Variants in SLIT2 observed in about 807,000 individuals in gnomAD.
SLIT2 encodes slit homolog 2 protein.
SLIT2 carries 41 observed loss-of-function variants against 185.7 expected under a neutral mutation model. The ratio of observed to expected loss-of-function variants is 0.22; its 90% confidence interval spans 0.17 to 0.29. The LOEUF (loss-of-function observed/expected upper bound fraction) is 0.29, where lower values mean the gene tolerates loss of function less well. Among genes scored for constraint, SLIT2 ranks in the 10% least tolerant of loss-of-function variants. The probability of loss-of-function intolerance (pLI) is 1.00; values close to 1 mark genes in which losing one functional copy is unlikely to be tolerated. For synonymous variants in SLIT2, 693 were observed against 680.2 expected (o/e 1.02, Z -0.29); for missense variants, 1,571 against 1,909.0 (o/e 0.82, Z 3.30).
chr4:20,462,769 A>G (rs141510805), intron 4 of SLIT2, among the ~76,000 whole-genome samples: 61 of 152,296 alleles, frequency 4.0e-4, no homozygotes, highest in African/African-American at 1.4e-3. Flanking sequence ...TATAATTACA[A>G]ACTCCTCCAT....
chr4:20,566,399 T>G (rs1725093552), intron 26 of SLIT2, among the ~76,000 whole-genome samples: 1 of 152,066 alleles, frequency 6.6e-6, no homozygotes, highest in Non-Finnish European at 1.5e-5. Flanking sequence ...GCACAAAGTA[T>G]CATAGGTGGA....
intron 4 of SLIT2, among the ~76,000 whole-genome samples, chr4:20,338,552 G>A (rs1175971185): frequency 2.0e-5 from 3 of 152,120 alleles, no homozygotes; most frequent in Admixed American, 6.5e-5. Context: ...TAAGCAAGGA[G>A]CTATGCAGCA....
At chr4:20,571,894 A>G (rs1725640770) in intron 29 of SLIT2, among the ~76,000 whole-genome samples, 1 of 152,244 alleles carries the variant, frequency 6.6e-6, no homozygotes, top group Non-Finnish European at 1.5e-5. Context: ...TTTGACACCT[A>G]TGTCAAGAGT....
At chr4:20,480,841 G>A (rs1372123494) in intron 6 of SLIT2, 54 bp downstream of exon 6, 1 of 1,257,610 alleles carries the variant, frequency 8.0e-7, no homozygotes, top group Middle Eastern at 1.9e-4. Flanking sequence ...GTCTGGACAG[G>A]ACTAATGTGG....
At chr4:20,380,290 T>C (rs906510788) in intron 4 of SLIT2, among the ~76,000 whole-genome samples, 98 of 152,112 alleles carry the variant, frequency 6.4e-4, no homozygotes, top group African/African-American at 2.3e-3. Flanking sequence ...AAATCCAAAT[T>C]GCTTAGCTAT....
intron 22 of SLIT2, among the ~76,000 whole-genome samples, chr4:20,547,171 A>G (rs947580424): frequency 9.2e-5 from 14 of 152,268 alleles, no homozygotes; most frequent in African/African-American, 3.4e-4. Flanking sequence ...TGATTAAACA[A>G]TGGAAAAAGA....
At chr4:20,469,587 C>T (rs977626564) in intron 5 of SLIT2, among the ~76,000 whole-genome samples, 4 of 151,944 alleles carry the variant, frequency 2.6e-5, no homozygotes, top group African/African-American at 9.7e-5. Context: ...AATTTTTTCT[C>T]AGAATTTAAA....
chr4:20,285,039 A>G (rs567344100), intron 4 of SLIT2, among the ~76,000 whole-genome samples: 1 of 152,338 alleles, frequency 6.6e-6, no homozygotes, highest in Non-Finnish European at 1.5e-5. Context: ...ACTGTATTAC[A>G]TCCAGCAATT....
chr4:20,469,389 C>T (rs977136122), intron 5 of SLIT2, among the ~76,000 whole-genome samples: 1 of 152,118 alleles, frequency 6.6e-6, no homozygotes, highest in Non-Finnish European at 1.5e-5. Flanking sequence ...TGGCCCTCCT[C>T]CCACATTTAA....
rs1560452577 is a variant in SLIT2, at chr4:20,472,267, G to GATATATATCT, written c.467+4453_467+4462dup. Among the ~76,000 whole-genome samples, 143 of 30,074 alleles carry GATATATATCT rather than the reference G, an allele frequency of 4.8e-3. 18 individuals carry two copies. The highest frequency in any genetic ancestry group is 0.024 in the African/African-American group (139 of 5,826). 19.7% of individuals were successfully genotyped at this position (30,074 alleles called of 152,430 possible). On this transcript the variant is annotated intron_variant, in intron 5 of 36. Transcript: ENST00000504154. Reference sequence around the variant, plus strand: ...ATATCTATATATAGATCTATATATAGATATATATCTATATATATAGATATA... The same window carrying GATATATATCT: ...ATATCTATATATAGATCTATATATAGATATATATCTATATATATCTATATATATAGATATA...
In SLIT2 at chr4:20,269,812, G is replaced by A. The variant is rs528834586; in HGVS notation, c.395+931G>A. ...TGTCTTTGTAGCCTACTAGTTCAAT[G>A]TGGTTATCAATTCCAGAAGTAGGAG... On this transcript the variant is annotated intron_variant, in intron 4 of 36. Coordinates refer to ENST00000504154, the MANE Select transcript of SLIT2 (RefSeq NM_004787.4). Among the ~76,000 whole-genome samples the A allele has an allele frequency of 2.6e-5, 4 of 151,910 alleles. No homozygotes were observed. In the East Asian group the frequency reaches 5.8e-4, roughly 22 times the overall value.
chr4:20,264,546 TA>T (rs1712824645), intron 3 of SLIT2, among the ~76,000 whole-genome samples: 1 of 151,820 alleles, frequency 6.6e-6, no homozygotes, highest in African/African-American at 2.4e-5. Flanking sequence ...TCGCAAAAAG[TA>T]AGAGACTATG....
In SLIT2 at chr4:20,343,225, T is replaced by C. The variant is rs568244456; in HGVS notation, c.395+74344T>C. The stretch of plus-strand genomic sequence containing the variant: ...CTCTCTTCATCCCCCAATCCACTCA[T>C]ACACCCTTCCCAGTCTCTGATATCT... On this transcript the variant is annotated intron_variant, in intron 4 of 36. Transcript: ENST00000504154. 7.2e-5 allele frequency among the ~76,000 whole-genome samples: 11 copies of C among 152,258 alleles called. No individual in the cohort carries two copies. In the East Asian group the frequency reaches 1.9e-3, roughly 27 times the overall value.
In SLIT2 at chr4:20,333,182, G is replaced by A. The variant is rs116777330; in HGVS notation, c.395+64301G>A. 3.0e-3 allele frequency among the ~76,000 whole-genome samples: 454 copies of A among 152,140 alleles called. 3 individuals are homozygous for A. Among genetic ancestry groups the A allele is most frequent in the African/African-American group, 9.2e-3 (382 of 41,528 alleles). On this transcript the variant is annotated intron_variant, in intron 4 of 36. Coordinates refer to ENST00000504154, the MANE Select transcript of SLIT2 (RefSeq NM_004787.4). ...AATGAAAGCCGTTAAGCTTTATAGCGTGCTTTTAGATTCTTCTGGGGGAAA... is the reference window on the plus strand; with the variant it reads ...AATGAAAGCCGTTAAGCTTTATAGCATGCTTTTAGATTCTTCTGGGGGAAA...
chr4:20,482,834 T>C (rs1185882619), intron 6 of SLIT2, among the ~76,000 whole-genome samples: 1 of 149,998 alleles, frequency 6.7e-6, no homozygotes, highest in African/African-American at 2.5e-5. Context: ...ACTTTAAATG[T>C]TTTTTTTTCA....
At chr4:20,453,397 C>G (rs1443776226) in intron 4 of SLIT2, among the ~76,000 whole-genome samples, 1 of 151,830 alleles carries the variant, frequency 6.6e-6, no homozygotes, top group Non-Finnish European at 1.5e-5. Context: ...AAAATTTTAC[C>G]TAAATTTTAA....
intron 4 of SLIT2, among the ~76,000 whole-genome samples, chr4:20,423,884 G>A (rs943049066): frequency 6.6e-6 from 1 of 152,086 alleles, no homozygotes; most frequent in Non-Finnish European, 1.5e-5. Context: ...TGCATTACAT[G>A]TGTTTCCTTA....
At chr4:20,296,030 C>G (rs1229512053) in intron 4 of SLIT2, among the ~76,000 whole-genome samples, 1 of 152,186 alleles carries the variant, frequency 6.6e-6, no homozygotes, top group African/African-American at 2.4e-5. Context: ...GAAGTATGTT[C>G]AGACAAGTTT....
At chr4:20,481,874 A>G (rs1716740298) in intron 6 of SLIT2, among the ~76,000 whole-genome samples, 1 of 152,068 alleles carries the variant, frequency 6.6e-6, no homozygotes. Flanking sequence ...GATTGTATGA[A>G]TGAATTGATT....
Sources: gnomAD v4.1 joint callset for allele counts (sites outside exome capture counted in the v4.1 genomes callset) on GRCh38, gnomAD v4.1.1 for gene constraint, MANE v1.5 for transcripts, NCBI Gene and HGNC (gene_info 2026-07-23, HGNC 2026-07-21) for gene names.